The following HS6ST3 variants were observed in gnomAD, a reference collection of about 807,000 sequenced individuals.
HS6ST3 encodes heparan sulfate 6-O-sulfotransferase 3.
Under a neutral mutation model 36.7 loss-of-function variants are expected in HS6ST3, and 12 were observed. The observed-to-expected ratio is 0.33, with a 90% CI of 0.21 to 0.53. HS6ST3 has a LOEUF of 0.53. Among genes scored for constraint, HS6ST3 ranks in the 20% least tolerant of loss-of-function variants. The probability of loss-of-function intolerance (pLI) is 0.95; values close to 1 mark genes in which losing one functional copy is unlikely to be tolerated. For missense variants in HS6ST3, 584 were observed against 640.9 expected (o/e 0.91, Z 0.96); for synonymous variants, 240 against 257.5 (o/e 0.93, Z 0.65).
chr13:96,833,588 G>A lies in HS6ST3; in HGVS notation c.*390G>A, dbSNP rs1878857739. On this transcript the variant is annotated 3_prime_UTR_variant, in exon 2 of 2. Transcript: ENST00000376705. Reference sequence around the variant, plus strand: ...TGGCTTGGATGTTCTGCTGAAACTGGTCTATGTCATACTGTCTCCTGTTAT... The same window carrying A: ...TGGCTTGGATGTTCTGCTGAAACTGATCTATGTCATACTGTCTCCTGTTAT... 2.1e-5 allele frequency: 4 copies of A among 189,518 alleles called. No homozygotes were observed. In the South Asian group the frequency reaches 4.9e-4, roughly 23 times the overall value. 11.7% of individuals were successfully genotyped at this position (189,518 alleles called of 1,614,324 possible). A position where few individuals can be genotyped will look rare whatever the true frequency, so the allele number is the denominator to read the frequency against.
At chr13:96,218,296 T>A (rs188056976) in intron 1 of HS6ST3, among the ~76,000 whole-genome samples, 2,578 of 152,132 alleles carry the variant, frequency 0.017, 33 homozygotes, top group East Asian at 0.055. Flanking sequence ...CACTCTCCTC[T>A]CTCCCTCTAG....
At chr13:96,492,906 C>T (rs2055953773) in intron 1 of HS6ST3, among the ~76,000 whole-genome samples, 1 of 152,126 alleles carries the variant, frequency 6.6e-6, no homozygotes, top group South Asian at 2.1e-4. Context: ...TTGCTGCTGC[C>T]AAGTTGGGTG....
rs76082131 is a variant in HS6ST3, at chr13:96,153,148, C to T, written c.707+61579C>T. Among the ~76,000 whole-genome samples, 605 of 152,244 alleles carry T rather than the reference C, an allele frequency of 4.0e-3. 2 individuals are homozygous for T. The highest frequency in any genetic ancestry group is 0.017 in the Middle Eastern group (5 of 294). ...GACACACACACCTACATCTCCAACCCCTAAACTGTAAAGCCCTTGAAGACA... is the reference window on the plus strand; with the variant it reads ...GACACACACACCTACATCTCCAACCTCTAAACTGTAAAGCCCTTGAAGACA... On this transcript the variant is annotated intron_variant, in intron 1 of 1. Transcript: ENST00000376705.
At chr13:96,641,877 T>C (rs1265447796) in intron 1 of HS6ST3, among the ~76,000 whole-genome samples, 2 of 151,868 alleles carry the variant, frequency 1.3e-5, no homozygotes, top group African/African-American at 4.8e-5. Context: ...TTATAGGTAT[T>C]TCATTATGAA....
intron 1 of HS6ST3, among the ~76,000 whole-genome samples, chr13:96,504,970 T>C (rs1418934824): frequency 6.6e-6 from 1 of 152,164 alleles, no homozygotes; most frequent in Non-Finnish European, 1.5e-5. Flanking sequence ...TTGGGAACTA[T>C]TACCCTAGAT....
intron 1 of HS6ST3, among the ~76,000 whole-genome samples, chr13:96,318,504 G>A (rs1407395121): frequency 6.6e-6 from 1 of 152,088 alleles, no homozygotes; most frequent in Non-Finnish European, 1.5e-5. Flanking sequence ...TTGCACGCTA[G>A]CCCAGGTGAC....
chr13:96,528,023 C>T (rs951164617), intron 1 of HS6ST3, among the ~76,000 whole-genome samples: 9 of 152,162 alleles, frequency 5.9e-5, no homozygotes, highest in Admixed American at 3.3e-4. Context: ...CACATAATGC[C>T]AGCTTCACTT....
intron 1 of HS6ST3, among the ~76,000 whole-genome samples, chr13:96,490,061 C>T (rs2055937024): frequency 6.6e-6 from 1 of 152,114 alleles, no homozygotes; most frequent in Admixed American, 6.6e-5. Flanking sequence ...CATTAAATAG[C>T]CTCATATGGG....
intron 1 of HS6ST3, among the ~76,000 whole-genome samples, chr13:96,258,001 C>G (rs1212481677): frequency 1.3e-5 from 2 of 151,332 alleles, no homozygotes; most frequent in African/African-American, 4.8e-5. Context: ...ACTGTTGTTA[C>G]TATTGTCATC....
intron 1 of HS6ST3, among the ~76,000 whole-genome samples, chr13:96,626,680 C>A (rs138743448): frequency 1.3e-5 from 2 of 152,066 alleles, no homozygotes; most frequent in East Asian, 3.9e-4. Context: ...AATATTGGGT[C>A]TTTCTGTTCA....
At chr13:96,668,728 T>G (rs549518) in intron 1 of HS6ST3, among the ~76,000 whole-genome samples, 6,363 of 114,616 alleles carry the variant, frequency 0.056, 230 homozygotes, top group Non-Finnish European at 0.071. Flanking sequence ...TTTTTTTTTG[T>G]ATCAGGTACA....
intron 1 of HS6ST3, among the ~76,000 whole-genome samples, chr13:96,519,631 A>C (rs149654473): frequency 6.6e-6 from 1 of 152,204 alleles, no homozygotes; most frequent in East Asian, 1.9e-4. Context: ...TTATTTGCCT[A>C]TTCATAGCTT....
rs76580667 is a variant in HS6ST3, at chr13:96,419,885, T to G, written c.707+328316T>G. On this transcript the variant is annotated intron_variant, in intron 1 of 1. Transcript: ENST00000376705. Reference sequence around the variant, plus strand: ...GTTGCTTTAGGGCCCACTCCAATGATCTCATCTTAAATTGATTGCACCTGC... The same window carrying G: ...GTTGCTTTAGGGCCCACTCCAATGAGCTCATCTTAAATTGATTGCACCTGC... 9.8e-3 allele frequency among the ~76,000 whole-genome samples: 1,491 copies of G among 152,226 alleles called. 28 individuals carry two copies. Among genetic ancestry groups the G allele is most frequent in the African/African-American group, 0.033 (1,378 of 41,532 alleles).
chr13:96,475,419 T>A (rs1250619550), intron 1 of HS6ST3, among the ~76,000 whole-genome samples: 1 of 152,080 alleles, frequency 6.6e-6, no homozygotes, highest in Non-Finnish European at 1.5e-5. Flanking sequence ...AATACAAGCA[T>A]AATGGTTTAG....
chr13:96,152,761 C>G (rs75330131), intron 1 of HS6ST3, among the ~76,000 whole-genome samples: 9 of 152,086 alleles, frequency 5.9e-5, no homozygotes, highest in Non-Finnish European at 1.3e-4. Context: ...CCTCCAATGG[C>G]TTCTCTGAAT....
intron 1 of HS6ST3, among the ~76,000 whole-genome samples, chr13:96,536,560 T>C (rs1044663137): frequency 6.6e-6 from 1 of 152,222 alleles, no homozygotes; most frequent in Non-Finnish European, 1.5e-5. Flanking sequence ...CGTTTCTTTG[T>C]AGACAGTTGG....
intron 1 of HS6ST3, among the ~76,000 whole-genome samples, chr13:96,399,156 C>T (rs984606121): frequency 7.2e-5 from 11 of 152,234 alleles, no homozygotes; most frequent in Non-Finnish European, 1.3e-4. Context: ...TTTCTGAATA[C>T]TTCTCTGATT....
At chr13:96,742,540 A>G (rs369098029) in intron 1 of HS6ST3, among the ~76,000 whole-genome samples, 37 of 152,228 alleles carry the variant, frequency 2.4e-4, no homozygotes, top group African/African-American at 8.4e-4. Context: ...AGGCCACTAC[A>G]GTGAAGTTAT....
intron 1 of HS6ST3, among the ~76,000 whole-genome samples, chr13:96,805,350 C>T (rs572368498): frequency 3.3e-5 from 5 of 152,232 alleles, no homozygotes; most frequent in African/African-American, 9.6e-5. Context: ...CTCCTTCCAC[C>T]GTGTAAGATG....
Sources: allele counts gnomAD v4.1 joint callset (sites outside exome capture counted in the v4.1 genomes callset), GRCh38; gene constraint gnomAD v4.1.1; transcripts MANE v1.5; gene names NCBI Gene and HGNC (gene_info 2026-07-23, HGNC 2026-07-21).